CACNG5: variants seen among roughly 807,000 people sequenced by gnomAD.
CACNG5 encodes the protein calcium voltage-gated channel auxiliary subunit gamma 5.
A neutral mutation model predicts 24.8 loss-of-function variants in CACNG5; 18 were observed. The observed-to-expected ratio is 0.73, with a 90% CI of 0.50 to 1.08. The LOEUF is 1.08. CACNG5 is among the 50% of genes least tolerant of loss of function. CACNG5 has a pLI of 0.00. For missense variants in CACNG5, 349 were observed against 367.9 expected (o/e 0.95, Z 0.42); for synonymous variants, 157 against 149.1 (o/e 1.05, Z -0.39).
chr17:66,883,849 C>G (rs891975070), intron 4 of CACNG5, among the ~76,000 whole-genome samples: 3 of 152,194 alleles, frequency 2.0e-5, no homozygotes, highest in Admixed American at 2.0e-4. Context: ...TAAGAAAATG[C>G]AGTGCCAGGC....
At chr17:66,854,423 C>T (rs181410135) in intron 1 of CACNG5, among the ~76,000 whole-genome samples, 68 of 129,452 alleles carry the variant, frequency 5.3e-4, no homozygotes, top group African/African-American at 2.1e-3. Flanking sequence ...CAGACTCCAA[C>T]TCAAAAAAAA....
Position 66,891,400 on chromosome 17 carries a change from C to A in CACNG5, c.*6160C>A, listed in dbSNP as rs4791016. Among the ~76,000 whole-genome samples the A allele has an allele frequency of 0.15, 23,138 of 152,186 alleles. 1,889 individuals are homozygous for A. The highest frequency in any genetic ancestry group is 0.23 in the Middle Eastern group (69 of 294). On this transcript the variant is annotated 3_prime_UTR_variant, in exon 6 of 6. Coordinates refer to ENST00000533854, the MANE Select transcript of CACNG5 (RefSeq NM_145811.3). Reference sequence around the variant, plus strand: ...TGGCTGGGCTCAGCAAGGCAGTTCTCACTCAGGATCTCCCAGGCAGTTGGA... The same window carrying A: ...TGGCTGGGCTCAGCAAGGCAGTTCTAACTCAGGATCTCCCAGGCAGTTGGA...
rs182371122 is a variant in CACNG5 at position 66,855,411 on chromosome 17, G to A, written c.-104+20161G>A. 9.8e-4 allele frequency among the ~76,000 whole-genome samples: 150 copies of A among 152,328 alleles called. 1 individual carries two copies. Among genetic ancestry groups the A allele is most frequent in the African/African-American group, 3.5e-3 (146 of 41,578 alleles). ...GCACCACCATGTTCAACCGACAGGG[G>A]GCGACCTCTTCCCTGGTTGGGCATT... is the stretch of plus-strand genomic sequence containing the variant. On this transcript the variant is annotated intron_variant, in intron 1 of 5. Coordinates refer to ENST00000533854, the MANE Select transcript of CACNG5 (RefSeq NM_145811.3).
intron 4 of CACNG5, among the ~76,000 whole-genome samples, chr17:66,883,935 C>A (rs546027771): frequency 6.6e-6 from 1 of 152,080 alleles, no homozygotes; most frequent in Non-Finnish European, 1.5e-5. Flanking sequence ...GAGTTCGAGA[C>A]CAACCTTGCC....
At chr17:66,864,203 G>A (rs561331966) in intron 1 of CACNG5, among the ~76,000 whole-genome samples, 1 of 152,190 alleles carries the variant, frequency 6.6e-6, no homozygotes, top group African/African-American at 2.4e-5. Context: ...TTGAAGATGA[G>A]TTTCAGTCTT....
intron 1 of CACNG5, among the ~76,000 whole-genome samples, chr17:66,836,944 T>C (rs1254751140): frequency 6.6e-6 from 1 of 152,208 alleles, no homozygotes; most frequent in Non-Finnish European, 1.5e-5. Context: ...ATTGGCTGAA[T>C]TGTTCACGCT....
intron 1 of CACNG5, among the ~76,000 whole-genome samples, chr17:66,862,779 G>T (rs2143077560): frequency 6.6e-6 from 1 of 151,128 alleles, no homozygotes; most frequent in East Asian, 2.0e-4. Context: ...CTAGGTCATA[G>T]AATAATTACA....
At chr17:66,881,789 A>G (rs1271366582) in intron 4 of CACNG5, among the ~76,000 whole-genome samples, 2 of 150,270 alleles carry the variant, frequency 1.3e-5, no homozygotes, top group Non-Finnish European at 3.0e-5. Context: ...AGTAAGAATT[A>G]GGCAAAGAAG....
At chr17:66,859,359 G>C (rs1228560151) in intron 1 of CACNG5, among the ~76,000 whole-genome samples, 1 of 152,160 alleles carries the variant, frequency 6.6e-6, no homozygotes, top group Non-Finnish European at 1.5e-5. Context: ...GGGAGAAGCG[G>C]AGGGATAGAG....
intron 1 of CACNG5, among the ~76,000 whole-genome samples, chr17:66,844,838 C>T (rs1258531628): frequency 2.6e-5 from 4 of 152,126 alleles, no homozygotes; most frequent in Non-Finnish European, 2.9e-5. Flanking sequence ...CTCATAGGTC[C>T]AGGATTTGAA....
At chr17:66,862,892 C>CTCTCTGTGTGTGTGTGTGTGTG (rs567913804) in intron 1 of CACNG5, among the ~76,000 whole-genome samples, 10 of 142,260 alleles carry the variant, frequency 7.0e-5, no homozygotes, top group African/African-American at 2.7e-4. Flanking sequence ...AGCATATTCT[C>CTCTCTGTGTGTGTGTGTGTGTG]TGTGTGTGTG....
At position 66,888,971 on chromosome 17, in the gene CACNG5, T is replaced by A. The variant is rs1448143846; in HGVS notation, c.*3731T>A. Among the ~76,000 whole-genome samples, 1 of 152,210 alleles carries A rather than the reference T, an allele frequency of 6.6e-6. No homozygotes were observed. On this transcript the variant is annotated 3_prime_UTR_variant, in exon 6 of 6. Transcript: ENST00000533854. ...TTTTTGATCAAGGTGAACTTTAAAA[T>A]GGCAGTGCTTGTCCAAGATGGTGAA...
rs1205912122 is a variant in CACNG5, at chr17:66,891,295, T to C, written c.*6055T>C. Among the ~76,000 whole-genome samples the C allele has an allele frequency of 6.6e-6, 1 of 152,146 alleles. No individual in the cohort carries two copies. Among genetic ancestry groups the C allele is most frequent in the Admixed American group, 6.5e-5 (1 of 15,274 alleles). ...GTGGCCATGTGCTCCAGTTTATTAA[T>C]ATACAAGCAATTGCCCCAAAATTTA... On this transcript the variant is annotated 3_prime_UTR_variant, in exon 6 of 6. Coordinates refer to ENST00000533854, the MANE Select transcript of CACNG5 (RefSeq NM_145811.3).
chr17:66,852,700 A>G (rs995350685), intron 1 of CACNG5, among the ~76,000 whole-genome samples: 1 of 152,184 alleles, frequency 6.6e-6, no homozygotes, highest in Non-Finnish European at 1.5e-5. Context: ...GCCTCTTTGC[A>G]GCTAATGCCC....
chr17:66,861,794 G>A (rs1976863410), intron 1 of CACNG5, among the ~76,000 whole-genome samples: 1 of 152,208 alleles, frequency 6.6e-6, no homozygotes, highest in Admixed American at 6.5e-5. Context: ...CAGAGGTGGT[G>A]GCCCGAGCAG....
intron 4 of CACNG5, among the ~76,000 whole-genome samples, chr17:66,883,175 A>G (rs906662820): frequency 6.6e-6 from 1 of 152,194 alleles, no homozygotes; most frequent in African/African-American, 2.4e-5. Flanking sequence ...TATTTCCACG[A>G]AGTCTATGAG....
intron 1 of CACNG5, among the ~76,000 whole-genome samples, chr17:66,867,509 A>G (rs1976947185): frequency 6.6e-6 from 1 of 152,018 alleles, no homozygotes; most frequent in Non-Finnish European, 1.5e-5. Context: ...CTTTTGTTGC[A>G]ATTGCTTTTG....
chr17:66,870,039 C>T (rs530453418), intron 1 of CACNG5, among the ~76,000 whole-genome samples: 9 of 151,400 alleles, frequency 5.9e-5, no homozygotes, highest in South Asian at 2.1e-4. Context: ...GCTGAGATTG[C>T]GCCACTGCAC....
rs1977330808 is a variant in CACNG5, at chr17:66,890,688, G to T, written c.*5448G>T. ...GTTCAGAGGCCTGAGTTCTCATCAG[G>T]TGCTGCTGCACCCTCTGTGTGTTAC... On this transcript the variant is annotated 3_prime_UTR_variant, in exon 6 of 6. Coordinates refer to ENST00000533854, the MANE Select transcript of CACNG5 (RefSeq NM_145811.3). 6.6e-6 allele frequency among the ~76,000 whole-genome samples: 1 copy of T among 152,178 alleles called. No individual in the cohort carries two copies. The highest frequency in any genetic ancestry group is 2.4e-5 in the African/African-American group (1 of 41,444).
Sources: allele counts gnomAD v4.1 joint callset (sites outside exome capture counted in the v4.1 genomes callset), GRCh38; gene constraint gnomAD v4.1.1; transcripts MANE v1.5; gene names NCBI Gene and HGNC (gene_info 2026-07-23, HGNC 2026-07-21).